KCND2: variants seen among roughly 807,000 people sequenced by gnomAD.
KCND2 encodes the protein potassium voltage-gated channel subfamily D member 2, also known as A-type voltage-gated potassium channel KCND2.
KCND2 carries 16 observed loss-of-function variants against 54.4 expected under a neutral mutation model. The observed-to-expected ratio is 0.29, with a 90% confidence interval of 0.20 to 0.45. The LOEUF (loss-of-function observed/expected upper bound fraction) is 0.45, where lower values mean the gene tolerates loss of function less well. KCND2 is among the 20% of genes least tolerant of loss of function. The pLI is 1.00. For missense variants in KCND2, 486 were observed against 824.2 expected (o/e 0.59, Z 5.02); for synonymous variants, 317 against 310.7 (o/e 1.02, Z -0.21).
chr7:120,745,985 C>A lies in KCND2; in HGVS notation c.1673C>A (p.Thr558Lys). Residue 558 changes from threonine (T) to lysine (K), a missense_variant, in exon 5 of 6, where the codon ACG becomes AAG. Transcript: ENST00000331113. The stretch of plus-strand genomic sequence containing the variant: ...CAAGGTAGTATACAAGAACTCAGCA[C>A]GATTCAGATCAGATGTGTGGAGAGA... ...SHQGSIQELSTIQIRCVERTP... is the reference protein window; with the variant it reads ...SHQGSIQELSKIQIRCVERTP... The A allele has an allele frequency of 6.2e-7, 1 of 1,613,734 alleles. No homozygotes were observed. The highest frequency in any genetic ancestry group is 1.7e-5 in the Admixed American group (1 of 59,970).
rs71530038 is a variant in KCND2, at chr7:120,309,479, A to ATATATATATATT, written c.1115+33732_1115+33733insTATATATATATT. On this transcript the variant is annotated intron_variant, in intron 1 of 5. Coordinates refer to ENST00000331113, the MANE Select transcript of KCND2 (RefSeq NM_012281.3). ...TATATATATATATATATATATACAC[A>ATATATATATATT]CACACACACACACACACACACACAT... 1.3e-4 allele frequency among the ~76,000 whole-genome samples: 10 copies of ATATATATATATT among 79,524 alleles called. No individual in the cohort carries two copies. The East Asian group carries it at 3.9e-3, about 31-fold the overall frequency. 52.2% of individuals were successfully genotyped at this position (79,524 alleles called of 152,430 possible).
chr7:120,587,149 C>G (rs1376507148), intron 1 of KCND2, among the ~76,000 whole-genome samples: 8 of 152,074 alleles, frequency 5.3e-5, no homozygotes, highest in African/African-American at 1.9e-4. Context: ...CAGAGGCAAA[C>G]AAAATGCTCA....
intron 1 of KCND2, among the ~76,000 whole-genome samples, chr7:120,674,643 A>G (rs1562905629): frequency 2.6e-5 from 4 of 152,208 alleles, no homozygotes. Flanking sequence ...CCCTCCAGAT[A>G]CTAAATTTTC....
At chr7:120,572,108 G>C (rs1459429354) in intron 1 of KCND2, among the ~76,000 whole-genome samples, 2 of 151,410 alleles carry the variant, frequency 1.3e-5, no homozygotes, top group African/African-American at 4.9e-5. Context: ...CTTGATCCTT[G>C]CCATGTAAGT....
At chr7:120,739,598 A>G (rs1381540749) in intron 2 of KCND2, among the ~76,000 whole-genome samples, 1 of 152,046 alleles carries the variant, frequency 6.6e-6, no homozygotes, top group African/African-American at 2.4e-5. Flanking sequence ...CTTTGTACAA[A>G]GTATATTATT....
chr7:120,428,957 A>G (rs1801754040), intron 1 of KCND2, among the ~76,000 whole-genome samples: 1 of 152,172 alleles, frequency 6.6e-6, no homozygotes, highest in South Asian at 2.1e-4. Flanking sequence ...AAAACCCCAA[A>G]ATAAGGAATT....
intron 1 of KCND2, among the ~76,000 whole-genome samples, chr7:120,326,932 C>T (rs1162475041): frequency 2.0e-5 from 3 of 151,972 alleles, no homozygotes; most frequent in Non-Finnish European, 1.5e-5. Flanking sequence ...GCCTTCATGT[C>T]TAATAGATCT....
intron 1 of KCND2, among the ~76,000 whole-genome samples, chr7:120,359,072 A>G (rs568314322): frequency 2.0e-4 from 30 of 152,090 alleles, no homozygotes; most frequent in Non-Finnish European, 3.8e-4. Context: ...GACCCTTCCT[A>G]TTGTGCTTTA....
chr7:120,324,082 G>C (rs1276931758), intron 1 of KCND2, among the ~76,000 whole-genome samples: 85 of 150,796 alleles, frequency 5.6e-4, no homozygotes, highest in African/African-American at 1.2e-3. Context: ...TGTTTTTTGG[G>C]TGCATAAATG....
At position 120,749,033 on chromosome 7, in the gene KCND2, G is replaced by A. The variant is rs929230911; in HGVS notation, c.*1175G>A. 1 of 151,878 alleles carries A rather than the reference G, an allele frequency of 6.6e-6. No homozygotes were observed. Among genetic ancestry groups the A allele is most frequent in the Non-Finnish European group, 1.5e-5 (1 of 67,852 alleles). The allele number at this position is 151,878 out of a possible 1,614,324, so 9.4% of individuals were successfully genotyped here. A position where few individuals can be genotyped will look rare whatever the true frequency, so the allele number is the denominator to read the frequency against. Reference sequence around the variant, plus strand: ...TGTTTATGGAAAAGCCCAGATACTGGATATATCACTATGTATTTTATGAAC... The same window carrying A: ...TGTTTATGGAAAAGCCCAGATACTGAATATATCACTATGTATTTTATGAAC... On this transcript the variant is annotated 3_prime_UTR_variant, in exon 6 of 6. Coordinates refer to ENST00000331113, the MANE Select transcript of KCND2 (RefSeq NM_012281.3).
intron 1 of KCND2, among the ~76,000 whole-genome samples, chr7:120,476,562 A>G (rs1802536248): frequency 6.6e-6 from 1 of 152,216 alleles, no homozygotes; most frequent in Non-Finnish European, 1.5e-5. Context: ...TAAGTCAATT[A>G]AGACATTAAA....
At chr7:120,479,976 A>AAG (rs1802582880) in intron 1 of KCND2, among the ~76,000 whole-genome samples, 1 of 149,918 alleles carries the variant, frequency 6.7e-6, no homozygotes, top group African/African-American at 2.4e-5. Flanking sequence ...AAAAAAAAAA[A>AAG]AAAGAAAGAA....
At chr7:120,322,701 A>T (rs1799908122) in intron 1 of KCND2, among the ~76,000 whole-genome samples, 1 of 152,032 alleles carries the variant, frequency 6.6e-6, no homozygotes, top group Non-Finnish European at 1.5e-5. Context: ...CTGGGTGTTA[A>T]CTCCGGTTAA....
chr7:120,405,085 C>A (rs137939453), intron 1 of KCND2, among the ~76,000 whole-genome samples: 1 of 152,010 alleles, frequency 6.6e-6, no homozygotes, highest in African/African-American at 2.4e-5. Context: ...GATTTAAGTA[C>A]TTCCATTTAT....
At chr7:120,671,440 G>A (rs1201402341) in intron 1 of KCND2, among the ~76,000 whole-genome samples, 2 of 152,014 alleles carry the variant, frequency 1.3e-5, no homozygotes, top group African/African-American at 4.8e-5. Flanking sequence ...CAGACTGATG[G>A]TGGTCTACGG....
At chr7:120,689,938 T>C (rs1473763989) in intron 1 of KCND2, among the ~76,000 whole-genome samples, 1 of 152,212 alleles carries the variant, frequency 6.6e-6, no homozygotes, top group Admixed American at 6.5e-5. Context: ...TATTTGCTAG[T>C]GCCTGTCTCT....
chr7:120,708,760 C>T (rs1403984444), intron 1 of KCND2, among the ~76,000 whole-genome samples: 3 of 152,016 alleles, frequency 2.0e-5, no homozygotes, highest in Admixed American at 2.0e-4. Context: ...TAATACCCTC[C>T]CAACCTGCTT....
At chr7:120,630,072 A>G (rs899847297) in intron 1 of KCND2, among the ~76,000 whole-genome samples, 1 of 152,146 alleles carries the variant, frequency 6.6e-6, no homozygotes, top group Non-Finnish European at 1.5e-5. Context: ...AAGAAGTCCC[A>G]GGGCTGACAT....
intron 1 of KCND2, among the ~76,000 whole-genome samples, chr7:120,496,922 G>C (rs930314222): frequency 1.3e-5 from 2 of 152,194 alleles, no homozygotes; most frequent in Non-Finnish European, 1.5e-5. Context: ...TACTACAATG[G>C]CCTGTTGAGC....
Sources: allele counts gnomAD v4.1 joint callset (sites outside exome capture counted in the v4.1 genomes callset), GRCh38; gene constraint gnomAD v4.1.1; transcripts MANE v1.5; gene names NCBI Gene and HGNC (gene_info 2026-07-23, HGNC 2026-07-21).